PPP6R3: variants seen among roughly 807,000 people sequenced by gnomAD.
PPP6R3 encodes the protein protein phosphatase 6 regulatory subunit 3, also known as serine/threonine-protein phosphatase 6 regulatory subunit 3.
A neutral mutation model predicts 110.7 loss-of-function variants in PPP6R3; 38 were observed. The ratio of observed to expected loss-of-function variants is 0.34; its 90% CI spans 0.26 to 0.45. PPP6R3 has a LOEUF of 0.45. Among genes scored for constraint, PPP6R3 ranks in the 20% least tolerant of loss-of-function variants. PPP6R3 has a pLI of 1.00. For missense variants in PPP6R3, 870 were observed against 1,062.4 expected (o/e 0.82, Z 2.52); for synonymous variants, 369 against 373.5 (o/e 0.99, Z 0.14).
intron 18 of PPP6R3, 97 bp from the exon 19 acceptor site, chr11:68,596,000 C>T (rs1224110832): frequency 6.8e-7 from 1 of 1,478,016 alleles, no homozygotes; most frequent in African/African-American, 1.4e-5. Flanking sequence ...GCTGAAGCAC[C>T]ACAGGACCTT....
intron 2 of PPP6R3, among the ~76,000 whole-genome samples, chr11:68,531,489 C>T (rs1221823876): frequency 6.6e-6 from 1 of 151,948 alleles, no homozygotes; most frequent in Non-Finnish European, 1.5e-5. Flanking sequence ...AGGTGTGTGC[C>T]ACCTGTTGCC....
chr11:68,495,685 A>G (rs2099010911), intron 1 of PPP6R3, among the ~76,000 whole-genome samples: 1 of 152,202 alleles, frequency 6.6e-6, no homozygotes, highest in Non-Finnish European at 1.5e-5. Flanking sequence ...CTTTTGTCAA[A>G]TAATACTCAT....
At chr11:68,515,234 TG>T in intron 1 of PPP6R3, 1 of 153,286 alleles carries the variant, frequency 6.5e-6, no homozygotes, top group Non-Finnish European at 1.5e-5. Context: ...CAAACTCTGC[TG>T]GGGGCTGCAG....
intron 2 of PPP6R3, among the ~76,000 whole-genome samples, chr11:68,526,209 C>T (rs1271142577): frequency 1.3e-5 from 2 of 151,926 alleles, no homozygotes; most frequent in African/African-American, 4.8e-5. Context: ...GATGGGAAAC[C>T]TTTCTAGGGC....
intron 12 of PPP6R3, among the ~76,000 whole-genome samples, chr11:68,573,726 A>T (rs2099519525): frequency 6.6e-6 from 1 of 152,212 alleles, no homozygotes; most frequent in Non-Finnish European, 1.5e-5. Flanking sequence ...TTATAATCTG[A>T]TTAAGGTTTG....
In PPP6R3 at chr11:68,559,940, C is replaced by T. The variant is rs1199205288; in HGVS notation, c.845+1261C>T. 2.2e-4 allele frequency among the ~76,000 whole-genome samples: 30 copies of T among 136,892 alleles called. 3 individuals carry two copies. The highest frequency in any genetic ancestry group is 7.7e-4 in the African/African-American group (28 of 36,378). 89.8% of individuals were successfully genotyped at this position (136,892 alleles called of 152,430 possible). A position where few individuals can be genotyped will look rare whatever the true frequency, so the allele number is the denominator to read the frequency against. On this transcript the variant is annotated intron_variant, in intron 8 of 23. Transcript: ENST00000393800. ...GTACGGTGCCCTCTTCTCACCCCAG[C>T]GGTACGGTGCCCTCTTCCCACCCCA...
chr11:68,580,746 C>CTTTTTTTTTTTTTT (rs71043441), intron 14 of PPP6R3, among the ~76,000 whole-genome samples: 3 of 67,530 alleles, frequency 4.4e-5, no homozygotes, highest in Admixed American at 2.4e-4. Flanking sequence ...GGTAAATAAT[C>CTTTTTTTTTTTTTT]TTTTTTTTTT....
chr11:68,540,250 G>T (rs1210135964), intron 3 of PPP6R3, among the ~76,000 whole-genome samples: 4 of 152,196 alleles, frequency 2.6e-5, no homozygotes, highest in African/African-American at 9.7e-5. Context: ...GCGTCAGTCG[G>T]CTTGAGAAAT....
chr11:68,505,371 C>G (rs995016753), intron 1 of PPP6R3: 2 of 152,384 alleles, frequency 1.3e-5, no homozygotes, highest in African/African-American at 4.8e-5. Context: ...GAGTTGAACT[C>G]TTACATTTTT....
chr11:68,607,346 A>G (rs1160054812), intron 22 of PPP6R3, among the ~76,000 whole-genome samples: 2 of 152,208 alleles, frequency 1.3e-5, no homozygotes, highest in Non-Finnish European at 2.9e-5. Context: ...GGGATTAATA[A>G]TGGGGAAGGG....
chr11:68,471,930 T>G, intron 1 of PPP6R3, among the ~76,000 whole-genome samples: 1 of 147,816 alleles, frequency 6.8e-6, no homozygotes, highest in Non-Finnish European at 1.5e-5. Context: ...TTTTTCTTGG[T>G]GAAATGGAAG....
At chr11:68,609,653 T>G in intron 22 of PPP6R3, 1 of 1,555,714 alleles carries the variant, frequency 6.4e-7, no homozygotes. Flanking sequence ...ATGGGACCGT[T>G]CTTTATCAGA....
intron 21 of PPP6R3, 27 bp downstream of exon 21, chr11:68,601,996 G>A (rs540829953): frequency 1.6e-5 from 25 of 1,544,050 alleles, no homozygotes; most frequent in Non-Finnish European, 2.0e-5. Context: ...CTGGGTACAC[G>A]CCAGGGTCAC....
intron 1 of PPP6R3, among the ~76,000 whole-genome samples, chr11:68,461,395 C>T (rs958843158): frequency 2.0e-5 from 3 of 151,166 alleles, no homozygotes; most frequent in Admixed American, 6.6e-5. Context: ...CAGCCAGTTC[C>T]GAGGCTCCCA....
At chr11:68,571,230 C>A in intron 12 of PPP6R3, 126 bp downstream of exon 12, 1 of 1,245,116 alleles carries the variant, frequency 8.0e-7, no homozygotes, top group South Asian at 1.7e-5. Flanking sequence ...ACAATTTAAA[C>A]TTTTCCCCAG....
intron 1 of PPP6R3, 35 bp from the exon 2 acceptor site, chr11:68,519,466 A>G: frequency 2.5e-6 from 1 of 395,936 alleles, no homozygotes; most frequent in Admixed American, 4.4e-5. Flanking sequence ...AAAAGAGAAC[A>G]TATGTGATTA....
At chr11:68,473,131 C>T (rs1362638865) in intron 1 of PPP6R3, among the ~76,000 whole-genome samples, 1 of 152,194 alleles carries the variant, frequency 6.6e-6, no homozygotes. Context: ...TGACTGATGG[C>T]TAGCTGACCT....
At chr11:68,612,019 G>A (rs1350947050) in intron 23 of PPP6R3, among the ~76,000 whole-genome samples, 1 of 152,188 alleles carries the variant, frequency 6.6e-6, no homozygotes, top group African/African-American at 2.4e-5. Context: ...CACACATTAT[G>A]TACTTATTTC....
chr11:68,562,926 G>A (rs548111537), intron 8 of PPP6R3, among the ~76,000 whole-genome samples: 232 of 152,142 alleles, frequency 1.5e-3, no homozygotes, highest in Non-Finnish European at 1.5e-3. Context: ...ATTCTGCTCC[G>A]AGACTCTGTT....
Sources: allele counts gnomAD v4.1 joint callset (sites outside exome capture counted in the v4.1 genomes callset), GRCh38; gene constraint gnomAD v4.1.1; transcripts MANE v1.5; gene names NCBI Gene and HGNC (gene_info 2026-07-23, HGNC 2026-07-21).